The following TTC39B variants were observed in gnomAD, a reference collection of about 807,000 sequenced individuals.
TTC39B encodes the protein tetratricopeptide repeat protein 39B.
In TTC39B, 92 loss-of-function variants were observed where a neutral mutation model predicts 96.6. That is an observed-to-expected ratio of 0.95 (90% CI 0.80 to 1.13). The LOEUF is 1.13. Ranked by LOEUF, TTC39B falls within the 50% of genes most tolerant of loss-of-function variation. TTC39B has a pLI of 0.00. For synonymous variants in TTC39B, 367 were observed against 299.4 expected (o/e 1.23, Z -2.33); for missense variants, 955 against 809.3 (o/e 1.18, Z -2.18).
chr9:15,184,091 A>C (rs986227378), intron 16 of TTC39B, among the ~76,000 whole-genome samples: 4 of 152,172 alleles, frequency 2.6e-5, no homozygotes, highest in African/African-American at 9.7e-5. Context: ...AAAGAATATG[A>C]ACAACAATTT....
chr9:15,177,602 G>A (rs1341416063), intron 18 of TTC39B, 95 bp downstream of exon 18: 5 of 782,978 alleles, frequency 6.4e-6, no homozygotes, highest in Non-Finnish European at 1.1e-5. Flanking sequence ...TAAGAGTTTA[G>A]CAGTAAGAGA....
intron 6 of TTC39B, among the ~76,000 whole-genome samples, chr9:15,205,805 C>T (rs917293421): frequency 8.6e-5 from 13 of 151,962 alleles, no homozygotes; most frequent in Non-Finnish European, 1.6e-4. Context: ...GGATGAAGTC[C>T]GTGGTGGTGA....
chr9:15,255,588 G>GA lies in TTC39B; in HGVS notation c.275+12325dup, dbSNP rs112365728. On this transcript the variant is annotated intron_variant, in intron 2 of 19. Coordinates refer to ENST00000512701, the Ensembl canonical transcript of TTC39B. ...GAAAAGGGAATGGATGAAGGCGTCA[G>GA]AAAAAAAAAAAGGATGTCAGGTGAA... Among the ~76,000 whole-genome samples the GA allele has an allele frequency of 9.1e-3, 1,290 of 141,724 alleles. 16 individuals carry two copies. The highest frequency in any genetic ancestry group is 0.03 in the African/African-American group (1,179 of 39,002). The allele number at this position is 141,724 out of a possible 152,430, so 93.0% of individuals were successfully genotyped here.
intron 1 of TTC39B, among the ~76,000 whole-genome samples, chr9:15,298,841 C>G (rs1484590194): frequency 6.6e-6 from 1 of 152,168 alleles, no homozygotes; most frequent in Non-Finnish European, 1.5e-5. Flanking sequence ...GTCCAGAGCA[C>G]CACAGGATCT....
chr9:15,268,003 A>G, intron 1 of TTC39B, 55 bp from the exon 2 acceptor site: 1 of 1,536,890 alleles, frequency 6.5e-7, no homozygotes, highest in Admixed American at 1.7e-5. Flanking sequence ...TGGGTTTCTC[A>G]AGAATTCTAA....
intron 2 of TTC39B, among the ~76,000 whole-genome samples, chr9:15,260,767 C>G (rs1434415046): frequency 1.3e-5 from 2 of 152,102 alleles, no homozygotes; most frequent in Non-Finnish European, 2.9e-5. Context: ...AGACAAAAGG[C>G]CAAGAAGCGA....
intron 2 of TTC39B, among the ~76,000 whole-genome samples, chr9:15,234,068 G>A (rs561682693): frequency 1.4e-4 from 21 of 147,268 alleles, no homozygotes; most frequent in East Asian, 6.0e-4. Flanking sequence ...TGTGAGGAGC[G>A]CCTCTGCCCG....
At chr9:15,209,453 G>GA (rs1404861611) in intron 6 of TTC39B, among the ~76,000 whole-genome samples, 1 of 151,758 alleles carries the variant, frequency 6.6e-6, no homozygotes, top group Non-Finnish European at 1.5e-5. Context: ...CTTTCACTTT[G>GA]AAAAAAATGT....
chr9:15,210,333 A>C (rs565854457), intron 5 of TTC39B, among the ~76,000 whole-genome samples, 169 bp from the exon 6 acceptor site: 1 of 152,348 alleles, frequency 6.6e-6, no homozygotes, highest in South Asian at 2.1e-4. Flanking sequence ...AACACTCTAC[A>C]TGCAGCACTG....
At chr9:15,281,213 T>G (rs1823749625) in intron 1 of TTC39B, among the ~76,000 whole-genome samples, 2 of 152,180 alleles carry the variant, frequency 1.3e-5, no homozygotes, top group South Asian at 4.2e-4. Flanking sequence ...CCACTGTGTG[T>G]GGTCTTGGGC....
intron 13 of TTC39B, among the ~76,000 whole-genome samples, chr9:15,188,434 T>C (rs778543268): frequency 4.6e-5 from 7 of 152,158 alleles, no homozygotes; most frequent in African/African-American, 1.7e-4. Flanking sequence ...AGAACTTCCA[T>C]AGGACAAAAC....
chr9:15,203,955 T>C, intron 6 of TTC39B, 65 bp from the exon 7 acceptor site: 1 of 1,456,826 alleles, frequency 6.9e-7, no homozygotes, highest in South Asian at 1.3e-5. Context: ...CTCTGTGATG[T>C]TCAGGAAAGA....
chr9:15,264,297 T>G (rs1487473682), intron 2 of TTC39B, among the ~76,000 whole-genome samples: 1 of 152,128 alleles, frequency 6.6e-6, no homozygotes, highest in African/African-American at 2.4e-5. Flanking sequence ...AATAGTACAC[T>G]GTATTCAGGA....
intron 2 of TTC39B, among the ~76,000 whole-genome samples, chr9:15,248,282 T>C (rs1349068599): frequency 1.1e-4 from 17 of 152,210 alleles, no homozygotes; most frequent in Admixed American, 1.1e-3. Context: ...CAGCACTTAC[T>C]ATAGCACTGA....
At chr9:15,261,127 T>G (rs1184981248) in intron 2 of TTC39B, among the ~76,000 whole-genome samples, 2 of 152,140 alleles carry the variant, frequency 1.3e-5, no homozygotes, top group African/African-American at 4.8e-5. Flanking sequence ...CAACCAGGAC[T>G]CCCGGTTAGA....
At chr9:15,186,808 A>T in intron 15 of TTC39B, 136 bp downstream of exon 15, 1 of 760,686 alleles carries the variant, frequency 1.3e-6, no homozygotes, top group Non-Finnish European at 2.3e-6. Flanking sequence ...CAATCCTCCC[A>T]CCTAAGCTTC....
intron 1 of TTC39B, among the ~76,000 whole-genome samples, chr9:15,297,273 C>T (rs1289490427): frequency 2.0e-5 from 3 of 152,234 alleles, no homozygotes; most frequent in African/African-American, 7.2e-5. Context: ...TCGAATGTCA[C>T]CTTCTAGAAG....
intron 17 of TTC39B, among the ~76,000 whole-genome samples, chr9:15,181,509 G>T (rs1818247132): frequency 6.6e-6 from 1 of 152,184 alleles, no homozygotes; most frequent in African/African-American, 2.4e-5. Context: ...GTTACCCAGA[G>T]TCTGATGGCA....
At chr9:15,177,244 T>C (rs1817990790) in intron 18 of TTC39B, among the ~76,000 whole-genome samples, 1 of 151,692 alleles carries the variant, frequency 6.6e-6, no homozygotes, top group South Asian at 2.1e-4. Context: ...AAGCTGGGAG[T>C]ATCTCTTAAG....
Sources: gnomAD v4.1 joint callset for allele counts (sites outside exome capture counted in the v4.1 genomes callset) on GRCh38, gnomAD v4.1.1 for gene constraint, MANE v1.5 for transcripts, NCBI Gene and HGNC (gene_info 2026-07-23, HGNC 2026-07-21) for gene names.